The following SYTL3 variants were observed in gnomAD, a reference collection of about 807,000 sequenced individuals.
SYTL3 encodes the protein synaptotagmin-like protein 3.
In SYTL3, 88 loss-of-function variants were observed where a neutral mutation model predicts 82.1. The observed-to-expected ratio is 1.07, with a 90% CI of 0.90 to 1.28. The LOEUF (loss-of-function observed/expected upper bound fraction) is 1.28. Ranked by LOEUF, SYTL3 falls within the 50% of genes most tolerant of loss-of-function variation. The pLI, the probability that SYTL3 is intolerant of heterozygous loss-of-function variation, is 0.00. For synonymous variants in SYTL3, 311 were observed against 289.4 expected, an observed-to-expected ratio of 1.07 and a Z score of -0.76; for missense variants, 831 against 757.6, an observed-to-expected ratio of 1.10 and a Z score of -1.14.
chr6:158,667,453 G>C (rs764455485), intron 5 of SYTL3, among the ~76,000 whole-genome samples: 6 of 152,124 alleles, frequency 3.9e-5, no homozygotes, highest in African/African-American at 9.7e-5. Context: ...CTTTCCCCTC[G>C]CCTTGCTCCC....
At chr6:158,670,219 TATC>T (rs1308370700) in intron 5 of SYTL3, among the ~76,000 whole-genome samples, 1 of 152,222 alleles carries the variant, frequency 6.6e-6, no homozygotes, top group South Asian at 2.1e-4. Flanking sequence ...AATATTGAAT[TATC>T]ATTTTATATT....
intron 6 of SYTL3, among the ~76,000 whole-genome samples, chr6:158,703,736 T>C (rs928682927): frequency 6.6e-6 from 1 of 151,866 alleles, no homozygotes; most frequent in Non-Finnish European, 1.5e-5. Flanking sequence ...ACTGGGGCAG[T>C]GAGGCAGGGG....
chr6:158,754,249 T>G (rs1161564299), intron 13 of SYTL3, among the ~76,000 whole-genome samples: 1 of 152,196 alleles, frequency 6.6e-6, no homozygotes, highest in African/African-American at 2.4e-5. Flanking sequence ...CCAGGGAGAC[T>G]TGTACCCCAT....
intron 14 of SYTL3, among the ~76,000 whole-genome samples, chr6:158,759,859 C>G (rs899502376): frequency 3.3e-5 from 5 of 152,124 alleles, no homozygotes; most frequent in Admixed American, 2.0e-4. Flanking sequence ...CAACCCAACA[C>G]AAATTCATAA....
chr6:158,656,579 G>A (rs1048041451), intron 2 of SYTL3, among the ~76,000 whole-genome samples: 1 of 152,172 alleles, frequency 6.6e-6, no homozygotes, highest in African/African-American at 2.4e-5. Flanking sequence ...CAAAAAATTA[G>A]CCGGGCATGG....
chr6:158,697,628 A>G (rs2128434202), intron 6 of SYTL3, among the ~76,000 whole-genome samples: 1 of 152,294 alleles, frequency 6.6e-6, no homozygotes, highest in Non-Finnish European at 1.5e-5. Context: ...GAGAGAAAAT[A>G]TTTTCAGATC....
At chr6:158,760,493 G>C in intron 14 of SYTL3, 147 bp from the exon 15 acceptor site, 1 of 644,186 alleles carries the variant, frequency 1.6e-6, no homozygotes, top group East Asian at 2.7e-5. Context: ...AGGAAGACCA[G>C]TCCTGCCACG....
At chr6:158,740,080 T>A (rs920832021) in intron 11 of SYTL3, among the ~76,000 whole-genome samples, 1 of 141,140 alleles carries the variant, frequency 7.1e-6, no homozygotes, top group Non-Finnish European at 1.5e-5. Flanking sequence ...CACTGCAACA[T>A]CTGCCTCCTG....
At chr6:158,665,249 A>G in intron 4 of SYTL3, 146 bp from the exon 5 acceptor site, 1 of 687,144 alleles carries the variant, frequency 1.5e-6, no homozygotes, top group South Asian at 1.9e-5. Flanking sequence ...GTGAGAGCCC[A>G]GTTCACACAG....
At chr6:158,704,858 A>G (rs6927550) in intron 6 of SYTL3, among the ~76,000 whole-genome samples, 65,431 of 105,250 alleles carry the variant, frequency 0.62, 19,171 homozygotes, top group African/African-American at 0.82. Context: ...GGAGGGACCC[A>G]GGGCAGGGTG....
At position 158,763,149 on chromosome 6, in the gene SYTL3, G is replaced by C. The variant is rs538502371; in HGVS notation, c.1518-155G>C. ...AATTCGGCCCTAAGGGAAATGTGCC[G>C]AGTCCTGTGGTTCCCACCCTGCTTC... On this transcript the variant is annotated intron_variant, in intron 16 of 17. Coordinates refer to ENST00000611299, the MANE Select transcript of SYTL3 (RefSeq NM_001242394.2). 1.6e-3 allele frequency among the ~76,000 whole-genome samples: 244 copies of C among 151,580 alleles called. 1 individual carries two copies. The highest frequency in any genetic ancestry group is 5.6e-3 in the African/African-American group (229 of 40,854).
At position 158,760,700 on chromosome 6, in the gene SYTL3, C is replaced by T. The variant is rs563968274; in HGVS notation, c.1369C>T (p.Leu457=). 4.3e-6 allele frequency: 7 copies of T among 1,614,164 alleles called. No homozygotes were observed. In the South Asian group the frequency reaches 7.7e-5, roughly 18 times the overall value. Residue 457 remains leucine, a synonymous_variant, in exon 15 of 18, where the codon CTG becomes TTG. Transcript: ENST00000611299. ...TGGAGAGCTCACAGTCCGGGCTAAGCTGGTTCTCCCTTCACGGCCCAGAAA... is the reference window on the plus strand; with the variant it reads ...TGGAGAGCTCACAGTCCGGGCTAAGTTGGTTCTCCCTTCACGGCCCAGAAA... ...SNGELTVRAK[L]VLPSRPRKLQ...
intron 15 of SYTL3, 58 bp from the exon 16 acceptor site, chr6:158,762,012 GTGGTAC>G (rs1562476793): frequency 1.7e-6 from 2 of 1,185,072 alleles, no homozygotes; most frequent in Non-Finnish European, 2.5e-6. Context: ...TTTTGGGGTG[GTGGTAC>G]TGCATACTAA....
At chr6:158,688,693 A>G (rs1238109845) in intron 6 of SYTL3, among the ~76,000 whole-genome samples, 1 of 152,174 alleles carries the variant, frequency 6.6e-6, no homozygotes, top group East Asian at 1.9e-4. Flanking sequence ...CCAGAGAACA[A>G]TTGTTGACAT....
At chr6:158,654,175 C>T (rs1788396963) in intron 2 of SYTL3, among the ~76,000 whole-genome samples, 3 of 152,200 alleles carry the variant, frequency 2.0e-5, no homozygotes, top group South Asian at 2.1e-4. Context: ...CACCAGCCCT[C>T]TCTGCTCCTG....
intron 11 of SYTL3, among the ~76,000 whole-genome samples, chr6:158,737,262 T>C (rs1786305744): frequency 6.6e-6 from 1 of 152,132 alleles, no homozygotes; most frequent in Admixed American, 6.5e-5. Flanking sequence ...GGTAAGATAA[T>C]TGGTCAAGAT....
In SYTL3 at chr6:158,736,769, C is replaced by T. The variant is rs1211942734; in HGVS notation, c.856-8711C>T. Among the ~76,000 whole-genome samples the T allele has an allele frequency of 3.1e-5, 4 of 129,556 alleles. No homozygotes were observed. In the South Asian group the frequency reaches 9.5e-4, roughly 31 times the overall value. 85.0% of individuals were successfully genotyped at this position (129,556 alleles called of 152,430 possible). ...TGCCATTGTACTCCAGCCTGGGCGA[C>T]AAGAGCGAGACTCTGTCTCAAAAAA... On this transcript the variant is annotated intron_variant, in intron 11 of 17. Transcript: ENST00000611299.
intron 11 of SYTL3, among the ~76,000 whole-genome samples, chr6:158,739,057 C>A (rs186942041): frequency 6.6e-6 from 1 of 152,358 alleles, no homozygotes; most frequent in East Asian, 1.9e-4. Context: ...AAAGAAGGCG[C>A]CGTCTCTTCC....
intron 6 of SYTL3, among the ~76,000 whole-genome samples, chr6:158,688,594 C>A (rs1238986360): frequency 1.3e-5 from 2 of 151,990 alleles, no homozygotes; most frequent in African/African-American, 4.8e-5. Context: ...GAGATCCTGT[C>A]TCTAAAAAAA....
Sources: allele counts gnomAD v4.1 joint callset (sites outside exome capture counted in the v4.1 genomes callset), GRCh38; gene constraint gnomAD v4.1.1; transcripts MANE v1.5; gene names NCBI Gene and HGNC (gene_info 2026-07-23, HGNC 2026-07-21).